The following ASIC2 variants were observed in gnomAD, a reference collection of about 807,000 sequenced individuals.
ASIC2 encodes acid sensing ion channel subunit 2.
In ASIC2, 25 loss-of-function variants were observed where a neutral mutation model predicts 57.3. That is an observed-to-expected ratio of 0.44 (90% confidence interval 0.32 to 0.61). The LOEUF (loss-of-function observed/expected upper bound fraction) is 0.61, where lower values mean the gene tolerates loss of function less well. Ranked by LOEUF, ASIC2 falls within the 20% of genes least tolerant of loss-of-function variation. The pLI, the probability that ASIC2 is intolerant of heterozygous loss-of-function variation, is 0.06. For synonymous variants in ASIC2, 319 were observed against 307.5 expected, an observed-to-expected ratio of 1.04 and a Z score of -0.39; for missense variants, 641 against 738.1, an observed-to-expected ratio of 0.87 and a Z score of 1.52.
At chr17:33,479,001 T>G in intron 1 of ASIC2, among the ~76,000 whole-genome samples, 1 of 152,168 alleles carries the variant, frequency 6.6e-6, no homozygotes. Flanking sequence ...GAGTTTTATT[T>G]TATTTTATTT....
At chr17:33,683,547 T>TA (rs1396349035) in intron 1 of ASIC2, among the ~76,000 whole-genome samples, 1 of 152,070 alleles carries the variant, frequency 6.6e-6, no homozygotes, top group South Asian at 2.1e-4. Flanking sequence ...AGTTTTTTTT[T>TA]AAAAATCTTG....
chr17:33,530,639 A>T (rs1374377942), intron 1 of ASIC2, among the ~76,000 whole-genome samples: 1 of 152,160 alleles, frequency 6.6e-6, no homozygotes, highest in Non-Finnish European at 1.5e-5. Flanking sequence ...TTTCAAGGAG[A>T]CTGTGTTGCT....
chr17:33,439,646 A>G (rs889719162), intron 1 of ASIC2, among the ~76,000 whole-genome samples: 1 of 152,208 alleles, frequency 6.6e-6, no homozygotes, highest in Non-Finnish European at 1.5e-5. Flanking sequence ...AGTTTCACAA[A>G]TGTGTCATCT....
chr17:33,758,917 C>CAA lies in ASIC2; in HGVS notation c.555+397059_555+397060dup, dbSNP rs56232795. ...TCAGCAATAGAAAGCAAGCTAATAC[C>CAA]AAAAAAAAAAAAAAAAATGGTATTG... On this transcript the variant is annotated intron_variant, in intron 1 of 9. Transcript: ENST00000359872. Among the ~76,000 whole-genome samples the CAA allele has an allele frequency of 1.5e-3, 217 of 141,868 alleles. 1 individual carries two copies. In the South Asian group the frequency reaches 0.016, roughly 10 times the overall value. 93.1% of individuals were successfully genotyped at this position (141,868 alleles called of 152,430 possible). A position where few individuals can be genotyped will look rare whatever the true frequency, so the allele number is the denominator to read the frequency against.
At chr17:33,642,150 A>G (rs938935635) in intron 1 of ASIC2, among the ~76,000 whole-genome samples, 24 of 151,192 alleles carry the variant, frequency 1.6e-4, no homozygotes, top group African/African-American at 4.9e-4. Flanking sequence ...CCCATAAACT[A>G]TTTCAGGTAG....
intron 1 of ASIC2, chr17:34,006,427 AG>A (rs1906526570): frequency 6.6e-6 from 1 of 152,258 alleles, no homozygotes; most frequent in Non-Finnish European, 1.5e-5. Context: ...CAGGTGCAAT[AG>A]GAAGGTGTTG....
chr17:33,397,765 A>G (rs952724290), intron 1 of ASIC2, among the ~76,000 whole-genome samples: 5 of 152,238 alleles, frequency 3.3e-5, no homozygotes, highest in Non-Finnish European at 7.3e-5. Context: ...GCATAGCTCA[A>G]GGCCTAGCTG....
chr17:34,085,763 T>G (rs1226959755), intron 1 of ASIC2, among the ~76,000 whole-genome samples: 1 of 152,172 alleles, frequency 6.6e-6, no homozygotes, highest in Non-Finnish European at 1.5e-5. Context: ...TGGTTTAGTC[T>G]TGGGAGAGTG....
At position 33,787,318 on chromosome 17, in the gene ASIC2, G is replaced by A. The variant is rs533078519; in HGVS notation, c.555+368660C>T. ...ATAAAGTGGTATCTGTGGCTGTAGA[G>A]GCTCCACCTGCTGAAGAAGGTGTGT... On this transcript the variant is annotated intron_variant, in intron 1 of 9. Coordinates refer to the ASIC2 transcript ENST00000359872. Among the ~76,000 whole-genome samples the A allele has an allele frequency of 4.6e-5, 7 of 152,346 alleles. No homozygotes were observed. The South Asian group carries it at 1.0e-3, about 23-fold the overall frequency.
chr17:33,084,376 C>T (rs988458784), intron 3 of ASIC2, among the ~76,000 whole-genome samples: 4 of 151,946 alleles, frequency 2.6e-5, no homozygotes, highest in Non-Finnish European at 5.9e-5. Flanking sequence ...TAGGAAAAGA[C>T]CAGCCTGCCA....
intron 1 of ASIC2, among the ~76,000 whole-genome samples, chr17:34,107,526 AC>A (rs1226696106): frequency 1.3e-5 from 2 of 152,080 alleles, no homozygotes; most frequent in Non-Finnish European, 2.9e-5. Context: ...ACAAAGCAAA[AC>A]AAAACCATTT....
At chr17:33,795,790 C>T (rs1298477534) in intron 1 of ASIC2, among the ~76,000 whole-genome samples, 2 of 152,214 alleles carry the variant, frequency 1.3e-5, no homozygotes, top group Non-Finnish European at 2.9e-5. Context: ...TAAGTTCTTG[C>T]TTTCTTGATA....
intron 1 of ASIC2, among the ~76,000 whole-genome samples, chr17:33,700,358 T>C (rs987230890): frequency 6.6e-6 from 1 of 152,190 alleles, no homozygotes; most frequent in African/African-American, 2.4e-5. Context: ...ATTATATCTG[T>C]TCAGGAAATT....
intron 1 of ASIC2, among the ~76,000 whole-genome samples, chr17:33,346,500 G>C (rs12943787): frequency 0.028 from 4,221 of 151,916 alleles, 81 homozygotes; most frequent in Non-Finnish European, 0.048. Context: ...GAAAATGCGT[G>C]GGTATGCACA....
At chr17:33,217,034 G>A (rs953664971) in intron 1 of ASIC2, among the ~76,000 whole-genome samples, 2 of 152,248 alleles carry the variant, frequency 1.3e-5, no homozygotes, top group African/African-American at 4.8e-5. Flanking sequence ...GGAACTCCCA[G>A]TGACTGTCAG....
At chr17:33,120,353 T>C (rs575937818) in intron 1 of ASIC2, among the ~76,000 whole-genome samples, 152 of 152,300 alleles carry the variant, frequency 1.0e-3, no homozygotes, top group Middle Eastern at 3.4e-3. Context: ...GATGTGTGAA[T>C]GCTATGCAGG....
chr17:33,361,118 T>G (rs190395535), intron 1 of ASIC2, among the ~76,000 whole-genome samples: 75 of 152,274 alleles, frequency 4.9e-4, no homozygotes, highest in African/African-American at 1.7e-3. Context: ...TGGAAAAGGC[T>G]GGGAGGAGCA....
At chr17:33,789,505 T>TACACAC (rs1911704773) in intron 1 of ASIC2, among the ~76,000 whole-genome samples, 3 of 116,816 alleles carry the variant, frequency 2.6e-5, no homozygotes, top group South Asian at 5.9e-4. Context: ...CACACACACG[T>TACACAC]GCAGCATTTC....
At chr17:33,503,358 C>A (rs1261701067) in intron 1 of ASIC2, among the ~76,000 whole-genome samples, 1 of 152,162 alleles carries the variant, frequency 6.6e-6, no homozygotes, top group Admixed American at 6.5e-5. Flanking sequence ...TCCCACCCCC[C>A]TTGCAAGAAG....
Sources: allele counts gnomAD v4.1 joint callset (sites outside exome capture counted in the v4.1 genomes callset), GRCh38; gene constraint gnomAD v4.1.1; transcripts MANE v1.5; gene names NCBI Gene and HGNC (gene_info 2026-07-23, HGNC 2026-07-21).